SRPK2: variants seen among roughly 807,000 people sequenced by gnomAD.
SRPK2 encodes the protein SRSF protein kinase 2, also known as SFRS protein kinase 2.
SRPK2 carries 21 observed loss-of-function variants against 90.8 expected under a neutral mutation model. The ratio of observed to expected loss-of-function variants is 0.23; its 90% CI spans 0.16 to 0.33. The LOEUF is 0.33. SRPK2 is among the 10% of genes least tolerant of loss of function. SRPK2 has a pLI of 1.00. For synonymous variants in SRPK2, 288 were observed against 311.1 expected (o/e 0.93, Z 0.78); for missense variants, 620 against 869.0 (o/e 0.71, Z 3.60).
intron 2 of SRPK2, among the ~76,000 whole-genome samples, chr7:105,381,688 T>C (rs1407857482): frequency 6.6e-6 from 1 of 152,088 alleles, no homozygotes; most frequent in Admixed American, 6.6e-5. Context: ...ACTGTAGAGG[T>C]AGTAAGCAAA....
intron 2 of SRPK2, among the ~76,000 whole-genome samples, chr7:105,286,251 T>C (rs936752465): frequency 6.6e-6 from 1 of 152,220 alleles, no homozygotes; most frequent in Non-Finnish European, 1.5e-5. Flanking sequence ...GTAAAAGCTA[T>C]GATGCAAACC....
intron 2 of SRPK2, among the ~76,000 whole-genome samples, chr7:105,212,731 T>A (rs1361699616): frequency 6.6e-6 from 1 of 152,146 alleles, no homozygotes; most frequent in East Asian, 1.9e-4. Context: ...AGAAAATTCA[T>A]GGGAAAACGC....
At chr7:105,393,233 T>TTTGG (rs1822228665), upstream of SRPK2, among the ~76,000 whole-genome samples, 1 of 150,174 alleles carries the variant, frequency 6.7e-6, no homozygotes, top group Non-Finnish European at 1.5e-5. Flanking sequence ...TGACCTCAAG[T>TTTGG]GATCTGCCTG....
At chr7:105,243,256 A>G (rs1801059569) in intron 2 of SRPK2, among the ~76,000 whole-genome samples, 1 of 152,152 alleles carries the variant, frequency 6.6e-6, no homozygotes, top group African/African-American at 2.4e-5. Flanking sequence ...CTTCCCCATC[A>G]GCCTCCCAAA....
At chr7:105,337,497 T>C (rs1815242998) in intron 2 of SRPK2, among the ~76,000 whole-genome samples, 1 of 151,788 alleles carries the variant, frequency 6.6e-6, no homozygotes, top group Admixed American at 6.6e-5. Context: ...TTATTTTTAG[T>C]AGAGACAGGG....
At chr7:105,205,515 TCTCACACACACACACACACACACA>T (rs1321959751) in intron 2 of SRPK2, among the ~76,000 whole-genome samples, 19 of 111,852 alleles carry the variant, frequency 1.7e-4, no homozygotes, top group African/African-American at 5.4e-4. Context: ...TCTCTCTCTC[TCTCACACACACACACACACACACA>T]CACACACACA....
chr7:105,355,134 T>G (rs1563278135), intron 2 of SRPK2, among the ~76,000 whole-genome samples: 1 of 152,218 alleles, frequency 6.6e-6, no homozygotes, highest in Admixed American at 6.5e-5. Context: ...TTTTGTTTAT[T>G]CATCAACTGA....
intron 2 of SRPK2, among the ~76,000 whole-genome samples, chr7:105,338,080 TAAAAA>T (rs34625808): frequency 7.1e-6 from 1 of 140,392 alleles, no homozygotes; most frequent in Non-Finnish European, 1.5e-5. Context: ...GAAAGAATAT[TAAAAA>T]AAAAAAAAAC....
At chr7:105,218,823 G>A (rs1434636159) in intron 2 of SRPK2, among the ~76,000 whole-genome samples, 2 of 151,926 alleles carry the variant, frequency 1.3e-5, no homozygotes, top group African/African-American at 4.8e-5. Flanking sequence ...CCTTAAATAT[G>A]ACTGATAAAT....
chr7:105,145,185 A>G (rs1804403660), intron 9 of SRPK2, 98 bp downstream of exon 9: 1 of 826,758 alleles, frequency 1.2e-6, no homozygotes, highest in Non-Finnish European at 1.8e-6. Flanking sequence ...AAATGTGTCT[A>G]CCCTTTAAAT....
chr7:105,129,347 G>A (rs1801663796), intron 13 of SRPK2, among the ~76,000 whole-genome samples: 3 of 151,908 alleles, frequency 2.0e-5, no homozygotes, highest in South Asian at 4.2e-4. Context: ...TGTACAACAG[G>A]GCAAATGCAC....
chr7:105,375,921 A>G (rs1820220955), intron 2 of SRPK2, among the ~76,000 whole-genome samples: 2 of 151,018 alleles, frequency 1.3e-5, no homozygotes, highest in South Asian at 4.2e-4. Flanking sequence ...AGAAGGCTAA[A>G]GCAGGATCAC....
At chr7:105,243,257 G>A (rs1362175275) in intron 2 of SRPK2, among the ~76,000 whole-genome samples, 1 of 152,134 alleles carries the variant, frequency 6.6e-6, no homozygotes, top group South Asian at 2.1e-4. Context: ...TTCCCCATCA[G>A]CCTCCCAAAG....
At chr7:105,256,095 G>C (rs1260254439) in intron 2 of SRPK2, among the ~76,000 whole-genome samples, 1 of 152,148 alleles carries the variant, frequency 6.6e-6, no homozygotes, top group East Asian at 1.9e-4. Flanking sequence ...GAAAAATCCA[G>C]AGACACACCT....
At chr7:105,229,469 A>C (rs2129619395) in intron 2 of SRPK2, among the ~76,000 whole-genome samples, 2 of 152,294 alleles carry the variant, frequency 1.3e-5, no homozygotes, top group African/African-American at 4.8e-5. Flanking sequence ...GTCTCAAAAA[A>C]AAAAAGGCCA....
chr7:105,164,165 A>T (rs1585011670), intron 6 of SRPK2, among the ~76,000 whole-genome samples: 1 of 152,322 alleles, frequency 6.6e-6, no homozygotes, highest in East Asian at 1.9e-4. Context: ...GAACTAGTGA[A>T]GAGGAAAGGT....
At chr7:105,138,655 G>A (rs1354907403) in intron 11 of SRPK2, among the ~76,000 whole-genome samples, 1 of 152,086 alleles carries the variant, frequency 6.6e-6, no homozygotes, top group African/African-American at 2.4e-5. Flanking sequence ...TATAAAAGTT[G>A]ACCAGACATG....
rs141990746 is a variant in SRPK2, at chr7:105,176,176, A to G, written c.230-6911T>C. 1.4e-4 allele frequency among the ~76,000 whole-genome samples: 22 copies of G among 152,342 alleles called. No homozygotes were observed. The East Asian group carries it at 4.0e-3, about 28-fold the overall frequency. Reference sequence around the variant, plus strand: ...GAACACAAACTTGGGTCAGTATTCAAAATCCAACTGATGTAATTCATCATA... The same window carrying G: ...GAACACAAACTTGGGTCAGTATTCAGAATCCAACTGATGTAATTCATCATA... On this transcript the variant is annotated intron_variant, in intron 3 of 15. Transcript: ENST00000393651.
chr7:105,398,381 C>CT (rs1183621196), intron 1 of SRPK2, among the ~76,000 whole-genome samples: 3,794 of 135,076 alleles, frequency 0.028, 83 homozygotes, highest in Middle Eastern at 0.053. Flanking sequence ...ACCCAGCCTC[C>CT]TTTTTTTTTT....
Sources: allele counts gnomAD v4.1 joint callset (sites outside exome capture counted in the v4.1 genomes callset), GRCh38; gene constraint gnomAD v4.1.1; transcripts MANE v1.5; gene names NCBI Gene and HGNC (gene_info 2026-07-23, HGNC 2026-07-21).